The following C1RL variants were observed in gnomAD, a reference collection of about 807,000 sequenced individuals.
The protein encoded by C1RL is complement C1r subcomponent like.
In C1RL, 27 loss-of-function variants were observed where a neutral mutation model predicts 27.9. That is an observed-to-expected ratio of 0.97 (90% CI 0.71 to 1.33). The LOEUF (loss-of-function observed/expected upper bound fraction) is 1.33. Among genes scored for constraint, C1RL ranks in the 40% most tolerant of loss-of-function variants. The pLI is 0.00. For synonymous variants in C1RL, 248 were observed against 252.1 expected (o/e 0.98, Z 0.15); for missense variants, 563 against 623.9 (o/e 0.90, Z 1.04).
Position 7,109,191 on chromosome 12 carries a change from A to ACATCTGGGACCTGCGAGAGAACTGGC in C1RL, c.-12_-11insGCCAGTTCTCTCGCAGGTCCCAGATG. ...TCTGGGTCCAGGCATCTGGAACTGG[A>ACATCTGGGACCTGCGAGAGAACTGGC]CATCTGGGACCTGCGAGAGAACTGG... On this transcript the variant is annotated 5_prime_UTR_variant, in exon 1 of 6. In the 5' UTR this introduces an upstream ATG that the reference lacks. Transcript: ENST00000266542. The ACATCTGGGACCTGCGAGAGAACTGGC allele has an allele frequency of 6.3e-7, 1 of 1,591,728 alleles. No individual in the cohort carries two copies. The highest frequency in any genetic ancestry group is 8.6e-7 in the Non-Finnish European group (1 of 1,165,296).
At position 7,096,280 on chromosome 12, in the gene C1RL, T is replaced by TGGCCCCCCCC; in HGVS notation, c.*110_*111insGGGGGGGGCC. 2.5e-5 allele frequency: 25 copies of TGGCCCCCCCC among 992,670 alleles called. No homozygotes were observed. The highest frequency in any genetic ancestry group is 2.9e-5 in the Non-Finnish European group (24 of 832,180). The allele number at this position is 992,670 out of a possible 1,614,324, so 61.5% of individuals were successfully genotyped here. ...GTGATGTGAATAGGATTTCCCTGCC[T>TGGCCCCCCCC]CCCCCAACCCCCCACCCCCAACCCC... On this transcript the variant is annotated 3_prime_UTR_variant, in exon 6 of 6. Coordinates refer to ENST00000266542, the MANE Select transcript of C1RL (RefSeq NM_016546.4).
In C1RL at chr12:7,096,284, CCAA is replaced by C; in HGVS notation, c.*104_*106del. ...TGTGAATAGGATTTCCCTGCCTCCC[CCAA>C]CCCCCCACCCCCAACCCCTACCCCA... On this transcript the variant is annotated 3_prime_UTR_variant, in exon 6 of 6. Transcript: ENST00000266542. 1 of 1,198,312 alleles carries C rather than the reference CCAA, an allele frequency of 8.3e-7. No homozygotes were observed. The allele number at this position is 1,198,312 out of a possible 1,614,324, so 74.2% of individuals were successfully genotyped here. A position where few individuals can be genotyped will look rare whatever the true frequency, so the allele number is the denominator to read the frequency against.
chr12:7,101,895 C>G lies in C1RL; in HGVS notation c.490+3G>C, dbSNP rs199564161. On this transcript the variant is annotated splice_donor_region_variant and intron_variant, in intron 3 of 5. Coordinates refer to ENST00000266542, the MANE Select transcript of C1RL (RefSeq NM_016546.4). Reference sequence around the variant, plus strand: ...TCCCTGCACCCCCAGGAGGGACACTCACCCACGGTTTGGTAGAGGGCCAGG... The same window carrying G: ...TCCCTGCACCCCCAGGAGGGACACTGACCCACGGTTTGGTAGAGGGCCAGG... 2.2e-4 allele frequency: 350 copies of G among 1,614,064 alleles called. No homozygotes were observed. The highest frequency in any genetic ancestry group is 1.5e-3 in the Middle Eastern group (9 of 6,056).
intron 2 of C1RL, among the ~76,000 whole-genome samples, chr12:7,107,590 T>G (rs1938801897): frequency 6.6e-6 from 1 of 152,154 alleles, no homozygotes; most frequent in Admixed American, 6.5e-5. Flanking sequence ...TAAATAAAAT[T>G]TAAATCAAAA....
chr12:7,108,771 G>C lies in C1RL; in HGVS notation c.72-292C>G, dbSNP rs558755840. ...GGAGAGTCTCGTCCAAAGGAGGGGG[G>C]TGCTTTCTGCTTCAGCAGATCCCAC... On this transcript the variant is annotated intron_variant, in intron 1 of 5. Transcript: ENST00000266542. 7.6e-4 allele frequency: 425 copies of C among 556,150 alleles called. 6 individuals carry two copies. The highest frequency in any genetic ancestry group is 7.2e-3 in the South Asian group (314 of 43,898). The allele number at this position is 556,150 out of a possible 1,614,324, so 34.5% of individuals were successfully genotyped here.
At chr12:7,109,028 G>T in intron 1 of C1RL, 82 bp downstream of exon 1, 2 of 578,632 alleles carry the variant, frequency 3.5e-6, no homozygotes, top group Non-Finnish European at 5.8e-6. Flanking sequence ...GGTAGGGTGG[G>T]GGGAGGGAGG....
intron 5 of C1RL, 150 bp downstream of exon 5, chr12:7,099,536 T>C (rs1027871745): frequency 2.4e-5 from 34 of 1,405,694 alleles, no homozygotes; most frequent in South Asian, 3.1e-5. Context: ...CCTGTTCTTT[T>C]CTGGGCCTTC....
At position 7,096,606 on chromosome 12, in the gene C1RL, C is replaced by T. The variant is rs764528857; in HGVS notation, c.1249G>A (p.Asp417Asn). 1 of 1,614,152 alleles carries T rather than the reference C, an allele frequency of 6.2e-7. No homozygotes were observed. The highest frequency in any genetic ancestry group is 1.7e-5 in the Admixed American group (1 of 60,020). ...TCATCCCCAACACAGAACATATTGT[C>T]AGAAAACACCTCGGGTCTCTGTCTC... The part of the protein sequence containing the change: ...QKRQRPEVFS[D>N]NMFCVGDETQ... The change falls in exon 6 of 6, where the codon GAC becomes AAC. Residue 417 changes from aspartate (D) to asparagine (N), a missense_variant. Coordinates refer to ENST00000266542, the MANE Select transcript of C1RL (RefSeq NM_016546.4).
chr12:7,097,402 C>T (rs1323742100), intron 5 of C1RL: 3 of 485,408 alleles, frequency 6.2e-6, no homozygotes, highest in Non-Finnish European at 1.1e-5. Context: ...GCCTCAGCCT[C>T]CCGAGTAGCT....
intron 5 of C1RL, among the ~76,000 whole-genome samples, chr12:7,098,140 G>A (rs1938508690): frequency 6.6e-6 from 1 of 152,100 alleles, no homozygotes; most frequent in African/African-American, 2.4e-5. Flanking sequence ...CCGTGGTGGC[G>A]GGCGCCTGTA....
At chr12:7,099,818 A>G in intron 4 of C1RL, 58 bp from the exon 5 acceptor site, 3 of 1,612,470 alleles carry the variant, frequency 1.9e-6, no homozygotes, top group Non-Finnish European at 2.5e-6. Context: ...CTGTTGGTTA[A>G]CGAAGCAGGT....
Position 7,096,046 on chromosome 12 carries a change from A to G in C1RL, c.*345T>C. Reference sequence around the variant, plus strand: ...AGCTGACTCTTCCACAGGTGAGTATAAAAGCTGTGTCAACAGATGAAGTAG... The same window carrying G: ...AGCTGACTCTTCCACAGGTGAGTATGAAAGCTGTGTCAACAGATGAAGTAG... On this transcript the variant is annotated 3_prime_UTR_variant, in exon 6 of 6. Transcript: ENST00000266542. The G allele has an allele frequency of 9.4e-7, 1 of 1,063,522 alleles. No individual in the cohort carries two copies. The highest frequency in any genetic ancestry group is 1.1e-6 in the Non-Finnish European group (1 of 881,128). The allele number at this position is 1,063,522 out of a possible 1,614,324, so 65.9% of individuals were successfully genotyped here.
Position 7,096,530 on chromosome 12 carries a change from A to T in C1RL, c.1325T>A (p.Val442Glu), listed in dbSNP as rs1211995046. 6.2e-7 allele frequency: 1 copy of T among 1,614,138 alleles called. No individual in the cohort carries two copies. The highest frequency in any genetic ancestry group is 8.5e-7 in the Non-Finnish European group (1 of 1,180,020). The change falls in exon 6 of 6, where the codon GTA becomes GAA. Residue 442 changes from valine to glutamate, a missense_variant. Transcript: ENST00000266542. ...CCAGTGATGGGCATGATTGTCCCAT[A>T]CCACATAGACGCTGCCACTGTCCCC... ...CQGDSGSVYV[V>E]WDNHAHHWVA... is the part of the protein sequence containing the mutation.
In C1RL at chr12:7,104,358, T is replaced by G. The variant is rs1430268946; in HGVS notation, c.301-2271A>C. Among the ~76,000 whole-genome samples the G allele has an allele frequency of 6.6e-6, 1 of 152,178 alleles. No homozygotes were observed. The highest frequency in any genetic ancestry group is 1.9e-4 in the East Asian group (1 of 5,196). ...CTGGACTTGAGGCCCCGCGGCACAC[T>G]TGATAGAGGGGGCGAAGGCCAGTGC... On this transcript the variant is annotated intron_variant, in intron 2 of 5. Coordinates refer to ENST00000266542, the MANE Select transcript of C1RL (RefSeq NM_016546.4). This position sits in a 1 kb window ranked among gnomAD's most constrained non-coding sequence, Gnocchi z 5.4.
In C1RL at chr12:7,101,973, A is replaced by C; in HGVS notation, c.415T>G (p.Phe139Val). The change falls in exon 3 of 6, where the codon TTC (phenylalanine) becomes GTC (valine). Residue 139 changes from phenylalanine to valine, a missense_variant. Transcript: ENST00000266542. ...VSSGRSLRLT[F>V]RTQPSSENKT... The stretch of plus-strand genomic sequence containing the variant: ...TTCTCCGAGGAAGGCTGTGTGCGGA[A>C]GGTCAGCCGCAAACTCCTCCCTGAG... 6.2e-7 allele frequency: 1 copy of C among 1,614,242 alleles called. No individual in the cohort carries two copies. The highest frequency in any genetic ancestry group is 8.5e-7 in the Non-Finnish European group (1 of 1,180,034).
At chr12:7,097,771 A>G (rs1353192681) in intron 5 of C1RL, among the ~76,000 whole-genome samples, 1 of 152,166 alleles carries the variant, frequency 6.6e-6, no homozygotes, top group Non-Finnish European at 1.5e-5. Flanking sequence ...CTGCCTCCTC[A>G]GAGGCATTAA....
intron 3 of C1RL, 180 bp downstream of exon 3, chr12:7,101,718 C>A: frequency 1.6e-6 from 1 of 622,126 alleles, no homozygotes. Context: ...GCTGGGGGCT[C>A]AGCTACGGCT....
chr12:7,099,489 T>A, intron 5 of C1RL, 197 bp downstream of exon 5: 1 of 981,472 alleles, frequency 1.0e-6, no homozygotes, highest in Non-Finnish European at 1.2e-6. Flanking sequence ...TCCTCAGATA[T>A]ATCTTGACCC....
At position 7,098,188 on chromosome 12, in the gene C1RL, T is replaced by TTGCAG. The variant is rs1393432875; in HGVS notation, c.692-1026_692-1025insCTGCA. On this transcript the variant is annotated intron_variant, in intron 5 of 5. Transcript: ENST00000266542. The stretch of plus-strand genomic sequence containing the variant: ...CGGGAGGCTGAGGCAGGAGAATGGC[T>TTGCAG]TGAACCCGGGAGGCGGAGCTTGCAG... The TTGCAG allele has an allele frequency of 2.6e-5, 4 of 152,158 alleles. 1 individual carries two copies. The highest frequency in any genetic ancestry group is 9.7e-5 in the African/African-American group (4 of 41,412). 9.4% of individuals were successfully genotyped at this position (152,158 alleles called of 1,614,324 possible).
Sources: gnomAD v4.1 joint callset for allele counts (sites outside exome capture counted in the v4.1 genomes callset) on GRCh38, gnomAD v4.1.1 for gene constraint, Gnocchi (gnomAD v3.1) non-coding constraint, MANE v1.5 for transcripts, NCBI Gene and HGNC (gene_info 2026-07-23, HGNC 2026-07-21) for gene names.